The following NELFB variants were observed in gnomAD, a reference collection of about 807,000 sequenced individuals.
NELFB encodes the protein negative elongation factor B.
In NELFB, 34 loss-of-function variants were observed where a neutral mutation model predicts 60.2. The ratio of observed to expected loss-of-function variants is 0.56; its 90% CI spans 0.43 to 0.75. NELFB has a LOEUF of 0.75. Among genes scored for constraint, NELFB ranks in the 30% least tolerant of loss-of-function variants. NELFB has a pLI of 0.00. For synonymous variants in NELFB, 459 were observed against 382.1 expected (o/e 1.20, Z -2.35); for missense variants, 770 against 831.6 (o/e 0.93, Z 0.91).
chr9:137,273,371 A>T lies in NELFB; in HGVS notation c.*443A>T, dbSNP rs935844939. The T allele has an allele frequency of 1.2e-5, 2 of 161,492 alleles. No homozygotes were observed. Among genetic ancestry groups the T allele is most frequent in the African/African-American group, 4.8e-5 (2 of 41,710 alleles). 10.0% of individuals were successfully genotyped at this position (161,492 alleles called of 1,614,324 possible). On this transcript the variant is annotated 3_prime_UTR_variant, in exon 13 of 13. Coordinates refer to ENST00000343053, the MANE Select transcript of NELFB (RefSeq NM_015456.5). The stretch of plus-strand genomic sequence containing the variant: ...TGGGGGCAGCAGCCTGGCCTGTGCC[A>T]TGGTGGGTGTCCTGGGGCCTGTGCG...
chr9:137,258,209 G>A lies in NELFB; in HGVS notation c.741+1155G>A, dbSNP rs574284124. ...TGTGATCGTGGCTCACTGCAGCCTC[G>A]ACCTCCTGGACTCAAGCAATCCTCC... On this transcript the variant is annotated intron_variant, in intron 4 of 12. Transcript: ENST00000343053. 4.6e-4 allele frequency among the ~76,000 whole-genome samples: 64 copies of A among 138,766 alleles called. 1 individual carries two copies. The South Asian group carries it at 0.014, about 30-fold the overall frequency. The allele number at this position is 138,766 out of a possible 152,430, so 91.0% of individuals were successfully genotyped here. A position where few individuals can be genotyped will look rare whatever the true frequency, so the allele number is the denominator to read the frequency against.
intron 4 of NELFB, among the ~76,000 whole-genome samples, chr9:137,259,533 T>C (rs902506287): frequency 6.6e-6 from 1 of 152,176 alleles, no homozygotes; most frequent in East Asian, 1.9e-4. Context: ...CCCAGGCCTT[T>C]CTCCTATCGC....
Position 137,269,676 on chromosome 9 carries a change from C to T in NELFB, c.1489+2330C>T, listed in dbSNP as rs752087932. On this transcript the variant is annotated intron_variant, in intron 10 of 12. Coordinates refer to ENST00000343053, the MANE Select transcript of NELFB (RefSeq NM_015456.5). This position sits in a 1 kb window ranked among gnomAD's most constrained non-coding sequence, Gnocchi z 5.3. ...GGTGTCTAGCTCAGGGGCATGAGGC[C>T]ATGGCCCAGCCCAGTGTGCAGTGGG... Among the ~76,000 whole-genome samples, 33 of 152,386 alleles carry T rather than the reference C, an allele frequency of 2.2e-4. 1 individual carries two copies. The highest frequency in any genetic ancestry group is 6.8e-3 in the Middle Eastern group (2 of 294).
rs1367642015 is a variant in NELFB at position 137,269,343 on chromosome 9, T to C, written c.1489+1997T>C. 6.6e-6 allele frequency among the ~76,000 whole-genome samples: 1 copy of C among 152,160 alleles called. No homozygotes were observed. Among genetic ancestry groups the C allele is most frequent in the Non-Finnish European group, 1.5e-5 (1 of 68,032 alleles). On this transcript the variant is annotated intron_variant, in intron 10 of 12. Transcript: ENST00000343053. The surrounding 1 kb of genome is among the most constrained non-coding windows in gnomAD (Gnocchi z 5.3). ...CTGCGGGTGCCAACACTGCCGCTCCTTCTGGAGGCTCAGGGAGGCTCTTGA... is the reference window on the plus strand; with the variant it reads ...CTGCGGGTGCCAACACTGCCGCTCCCTCTGGAGGCTCAGGGAGGCTCTTGA...
At chr9:137,259,952 A>T (rs535531493) in intron 4 of NELFB, among the ~76,000 whole-genome samples, 114 of 149,690 alleles carry the variant, frequency 7.6e-4, no homozygotes, top group African/African-American at 2.6e-3. Context: ...GGATGGTCTC[A>T]ATCTCCTGAC....
Position 137,265,887 on chromosome 9 carries a change from A to C in NELFB, c.1051A>C (p.Met351Leu). 1 of 1,612,586 alleles carries C rather than the reference A, an allele frequency of 6.2e-7. No individual in the cohort carries two copies. The highest frequency in any genetic ancestry group is 1.1e-5 in the South Asian group (1 of 91,080). Residue 351 changes from methionine (M) to leucine (L), a missense_variant, in exon 7 of 13, where the codon ATG (methionine) becomes CTG (leucine). By Grantham distance (15) the Met-to-Leu change is conservative. Coordinates refer to ENST00000343053, the MANE Select transcript of NELFB (RefSeq NM_015456.5). Reference sequence around the variant, plus strand: ...GCGGCCTCCTTCCAGGGACCTGTCCATGATCCTGTGTGACCCCTTCGCCAT... The same window carrying C: ...GCGGCCTCCTTCCAGGGACCTGTCCCTGATCCTGTGTGACCCCTTCGCCAT...
Position 137,256,810 on chromosome 9 carries a change from G to A in NELFB, c.511-14G>A. The A allele has an allele frequency of 4.3e-6, 7 of 1,613,082 alleles. No homozygotes were observed. The highest frequency in any genetic ancestry group is 5.9e-6 in the Non-Finnish European group (7 of 1,179,308). ...CACAGGTGCCACTCACAGGCAGCCT[G>A]TGGTGTCATGTAGGTTCCGGAGAAA... On this transcript the variant is annotated splice_polypyrimidine_tract_variant and intron_variant, in intron 3 of 12. Coordinates refer to ENST00000343053, the MANE Select transcript of NELFB (RefSeq NM_015456.5).
intron 11 of NELFB, 83 bp downstream of exon 11, chr9:137,272,305 G>C: frequency 6.3e-7 from 1 of 1,578,658 alleles, no homozygotes; most frequent in East Asian, 2.2e-5. Context: ...GCTGTCCCCA[G>C]CCTGGGGCGG....
At chr9:137,262,563 A>G (rs1226156611) in intron 4 of NELFB, among the ~76,000 whole-genome samples, 1 of 152,268 alleles carries the variant, frequency 6.6e-6, no homozygotes, top group Non-Finnish European at 1.5e-5. Flanking sequence ...AATGACTAAT[A>G]TTCAAATATA....
intron 12 of NELFB, 32 bp from the exon 13 acceptor site, chr9:137,272,750 C>G: frequency 6.6e-7 from 1 of 1,524,320 alleles, no homozygotes; most frequent in Non-Finnish European, 8.8e-7. Context: ...TGCCCATGCG[C>G]CTCGCCTGCC....
At position 137,272,929 on chromosome 9, in the gene NELFB, G is replaced by A; in HGVS notation, c.*1G>A. 6.6e-7 allele frequency: 1 copy of A among 1,526,128 alleles called. No homozygotes were observed. The highest frequency in any genetic ancestry group is 8.8e-7 in the Non-Finnish European group (1 of 1,133,692). 94.5% of individuals were successfully genotyped at this position (1,526,128 alleles called of 1,614,324 possible). The stretch of plus-strand genomic sequence containing the variant: ...CGTGCCCGCCCCTGCCCCGCTCTGA[G>A]GGCCCTCCAGACCTGCTCGGGTGCT... On this transcript the variant is annotated 3_prime_UTR_variant, in exon 13 of 13. Transcript: ENST00000343053.
Position 137,263,085 on chromosome 9 carries a change from G to C in NELFB, c.790G>C (p.Asp264His). Residue 264 changes from aspartate to histidine, a missense_variant, in exon 5 of 13, where the codon GAC becomes CAC. Coordinates refer to ENST00000343053, the MANE Select transcript of NELFB (RefSeq NM_015456.5). ...GGTGGGGAAGAACGTGAAGCTGTAC[G>C]ACATGGTGCTGCAGTTTCTGCGCAC... 2 of 1,614,026 alleles carry C rather than the reference G, an allele frequency of 1.2e-6. No individual in the cohort carries two copies. The highest frequency in any genetic ancestry group is 1.7e-6 in the Non-Finnish European group (2 of 1,179,942).
chr9:137,258,011 C>T (rs184153137), intron 4 of NELFB, among the ~76,000 whole-genome samples: 2 of 151,170 alleles, frequency 1.3e-5, no homozygotes, highest in Admixed American at 1.3e-4. Flanking sequence ...GGCTATGTTG[C>T]TCAGGCTGGT....
intron 7 of NELFB, 145 bp from the exon 8 acceptor site, chr9:137,266,186 A>G: frequency 1.3e-6 from 1 of 776,336 alleles, no homozygotes; most frequent in Non-Finnish European, 2.1e-6. Flanking sequence ...ACTGCGTTTC[A>G]CCCCGTGTGT....
intron 6 of NELFB, 75 bp from the exon 7 acceptor site, chr9:137,265,802 A>T (rs1230469207): frequency 2.1e-6 from 2 of 967,160 alleles, no homozygotes; most frequent in African/African-American, 3.2e-5. Flanking sequence ...AGCCTAGGCC[A>T]CCCCTCCTGA....
chr9:137,262,999 A>T, intron 4 of NELFB, 38 bp from the exon 5 acceptor site: 1 of 1,598,294 alleles, frequency 6.3e-7, no homozygotes, highest in African/African-American at 1.3e-5. Flanking sequence ...GGCGGAGCCC[A>T]GGACGGTCTG....
At chr9:137,264,045 C>T (rs1260629824) in intron 5 of NELFB, among the ~76,000 whole-genome samples, 200 bp from the exon 6 acceptor site, 4 of 152,246 alleles carry the variant, frequency 2.6e-5, no homozygotes, top group South Asian at 4.1e-4. Flanking sequence ...TCATCACTTT[C>T]TCCACCACTG....
Position 137,272,773 on chromosome 9 carries a change from TC to T in NELFB, c.1741-5del. ...CGCCTCGCCTGCCCCATGGTGTGGT[TC>T]CCCGCAGAGCGGAGAGGCAGTGAAG... On this transcript the variant is annotated splice_region_variant and splice_polypyrimidine_tract_variant and intron_variant, in intron 12 of 12. Transcript: ENST00000343053. 1 of 1,541,556 alleles carries T rather than the reference TC, an allele frequency of 6.5e-7. No homozygotes were observed. Among genetic ancestry groups the T allele is most frequent in the South Asian group, 1.2e-5 (1 of 82,990 alleles).
chr9:137,272,795 T>C lies in NELFB; in HGVS notation c.1754T>C (p.Val585Ala). Residue 585 changes from valine to alanine, a missense_variant, in exon 13 of 13, where the codon GTG becomes GCG. Coordinates refer to ENST00000343053, the MANE Select transcript of NELFB (RefSeq NM_015456.5). The stretch of plus-strand genomic sequence containing the variant: ...GGTTCCCCGCAGAGCGGAGAGGCAG[T>C]GAAGGAGCTTTACTCCCAGCTCGGC... 1 of 1,548,810 alleles carries C rather than the reference T, an allele frequency of 6.5e-7. No homozygotes were observed. Among genetic ancestry groups the C allele is most frequent in the Non-Finnish European group, 8.7e-7 (1 of 1,145,882 alleles).
Sources: allele counts gnomAD v4.1 joint callset (sites outside exome capture counted in the v4.1 genomes callset), GRCh38; gene constraint gnomAD v4.1.1; non-coding constraint Gnocchi (gnomAD v3.1); transcripts MANE v1.5; gene names NCBI Gene and HGNC (gene_info 2026-07-23, HGNC 2026-07-21).